The following BTBD9 variants were observed in gnomAD, a reference collection of about 807,000 sequenced individuals.
BTBD9 encodes BTB/POZ domain-containing protein 9.
In BTBD9, 49 loss-of-function variants were observed where a neutral mutation model predicts 64.3. That is an observed-to-expected ratio of 0.76 (90% CI 0.61 to 0.97). The LOEUF (loss-of-function observed/expected upper bound fraction) is 0.97. Among genes scored for constraint, BTBD9 ranks in the 50% least tolerant of loss-of-function variants. The probability of loss-of-function intolerance (pLI) is 0.00; values close to 1 mark genes in which losing one functional copy is unlikely to be tolerated. For missense variants in BTBD9, 598 were observed against 762.1 expected, an observed-to-expected ratio of 0.78 and a Z score of 2.53; for synonymous variants, 260 against 274.7, an observed-to-expected ratio of 0.95 and a Z score of 0.53.
intron 6 of BTBD9, among the ~76,000 whole-genome samples, chr6:38,348,024 G>A (rs73422874): frequency 2.6e-5 from 4 of 151,968 alleles, no homozygotes; most frequent in African/African-American, 9.7e-5. Context: ...CAAAAAAGGC[G>A]CTGTCCAGCA....
chr6:38,551,857 G>C (rs1174843224), intron 6 of BTBD9, among the ~76,000 whole-genome samples: 2 of 152,208 alleles, frequency 1.3e-5, no homozygotes, highest in African/African-American at 4.8e-5. Context: ...CCAAGCTATA[G>C]AGATGTTGAA....
chr6:38,476,356 G>A (rs1476064051), intron 6 of BTBD9, among the ~76,000 whole-genome samples: 1 of 152,172 alleles, frequency 6.6e-6, no homozygotes, highest in Non-Finnish European at 1.5e-5. Context: ...CATAACATGT[G>A]CTTATGAGCC....
intron 10 of BTBD9, among the ~76,000 whole-genome samples, chr6:38,181,295 A>G (rs1032134277): frequency 3.9e-5 from 6 of 152,226 alleles, no homozygotes; most frequent in African/African-American, 1.4e-4. Flanking sequence ...ATGCCAACCA[A>G]TACAAATAGG....
intron 9 of BTBD9, among the ~76,000 whole-genome samples, chr6:38,243,182 G>C (rs1362650602): frequency 1.3e-5 from 2 of 152,242 alleles, no homozygotes; most frequent in Admixed American, 6.5e-5. Context: ...ACTGTAAAGA[G>C]AGAATTACAG....
At chr6:38,519,208 G>A (rs1292347584) in intron 6 of BTBD9, among the ~76,000 whole-genome samples, 1 of 152,148 alleles carries the variant, frequency 6.6e-6, no homozygotes, top group Non-Finnish European at 1.5e-5. Flanking sequence ...ACTAGCCAGA[G>A]CCATTTTCTT....
intron 6 of BTBD9, among the ~76,000 whole-genome samples, chr6:38,535,617 C>T (rs1260334433): frequency 6.6e-6 from 1 of 152,104 alleles, no homozygotes; most frequent in Admixed American, 6.6e-5. Flanking sequence ...AATGACAAAG[C>T]TAAAGTAACC....
At chr6:38,270,068 C>A (rs528522094) in intron 8 of BTBD9, among the ~76,000 whole-genome samples, 7 of 152,318 alleles carry the variant, frequency 4.6e-5, no homozygotes, top group South Asian at 2.1e-4. Flanking sequence ...TAAGGCCCTG[C>A]TGCAGCTAGA....
intron 1 of BTBD9, among the ~76,000 whole-genome samples, chr6:38,616,901 T>C (rs746137583): frequency 1.2e-4 from 18 of 152,282 alleles, no homozygotes; most frequent in Middle Eastern, 3.4e-3. Context: ...AGCTTCATTA[T>C]TGAAGTCAGT....
At chr6:38,611,497 T>C (rs966003116) in intron 1 of BTBD9, among the ~76,000 whole-genome samples, 2 of 152,156 alleles carry the variant, frequency 1.3e-5, no homozygotes, top group East Asian at 1.9e-4. Flanking sequence ...AACAGTGCAA[T>C]GAGACATGAG....
Position 38,171,880 on chromosome 6 carries a change from A to AT in BTBD9, c.*3104_*3105insA, listed in dbSNP as rs751901539. ...AAAAAAAAAAAAAAAAAAAAAAAAA[A>AT]AATAATAATAATAATAATAATAATA... On this transcript the variant is annotated 3_prime_UTR_variant, in exon 11 of 11. Coordinates refer to ENST00000481247, the MANE Select transcript of BTBD9 (RefSeq NM_001099272.2). The AT allele has an allele frequency of 2.7e-4, 24 of 89,462 alleles. No individual in the cohort carries two copies. The highest frequency in any genetic ancestry group is 4.4e-4 in the South Asian group (1 of 2,248). 5.5% of individuals were successfully genotyped at this position (89,462 alleles called of 1,614,324 possible).
intron 7 of BTBD9, among the ~76,000 whole-genome samples, chr6:38,325,380 A>G (rs1763382260): frequency 6.6e-6 from 1 of 152,192 alleles, no homozygotes; most frequent in African/African-American, 2.4e-5. Flanking sequence ...TACCTAATGG[A>G]TACCTGTTTA....
intron 9 of BTBD9, among the ~76,000 whole-genome samples, chr6:38,251,791 C>T (rs1351263994): frequency 1.3e-5 from 2 of 151,040 alleles, no homozygotes; most frequent in Non-Finnish European, 2.9e-5. Flanking sequence ...ACTTGGGAGA[C>T]TGAGGCCGGA....
At chr6:38,377,457 G>T (rs746594945) in intron 6 of BTBD9, among the ~76,000 whole-genome samples, 3 of 152,140 alleles carry the variant, frequency 2.0e-5, no homozygotes, top group African/African-American at 4.8e-5. Flanking sequence ...TTACAGCTGA[G>T]GCCAAAGCAA....
intron 6 of BTBD9, among the ~76,000 whole-genome samples, chr6:38,464,898 T>C (rs1042590541): frequency 6.6e-5 from 10 of 152,234 alleles, no homozygotes; most frequent in African/African-American, 1.9e-4. Context: ...TCAATTTTTC[T>C]AGAAGAGTTT....
chr6:38,414,012 G>GTGC (rs1334035137), intron 6 of BTBD9, among the ~76,000 whole-genome samples: 1 of 152,126 alleles, frequency 6.6e-6, no homozygotes, highest in East Asian at 1.9e-4. Context: ...AAAGTGACAA[G>GTGC]TGCTGTTATT....
At chr6:38,458,346 A>G (rs762478530) in intron 6 of BTBD9, among the ~76,000 whole-genome samples, 22 of 152,214 alleles carry the variant, frequency 1.4e-4, no homozygotes, top group Admixed American at 3.3e-4. Flanking sequence ...TGATAATCTG[A>G]GTATGAACAA....
chr6:38,456,629 C>A (rs1769822978), intron 6 of BTBD9, among the ~76,000 whole-genome samples: 1 of 152,122 alleles, frequency 6.6e-6, no homozygotes, highest in Non-Finnish European at 1.5e-5. Flanking sequence ...GGCATCTTTT[C>A]ATGTGTTTGG....
At chr6:38,297,995 C>G (rs1762225730) in intron 7 of BTBD9, among the ~76,000 whole-genome samples, 2 of 151,998 alleles carry the variant, frequency 1.3e-5, no homozygotes, top group East Asian at 3.9e-4. Context: ...TGCCTGCCAC[C>G]ACACCCGGCT....
At chr6:38,389,696 C>T (rs543189966) in intron 6 of BTBD9, among the ~76,000 whole-genome samples, 7 of 151,980 alleles carry the variant, frequency 4.6e-5, no homozygotes, top group Non-Finnish European at 7.4e-5. Flanking sequence ...GACTAGCTTA[C>T]GTGAAAAAAG....
Sources: gnomAD v4.1 joint callset for allele counts (sites outside exome capture counted in the v4.1 genomes callset) on GRCh38, gnomAD v4.1.1 for gene constraint, MANE v1.5 for transcripts, NCBI Gene and HGNC (gene_info 2026-07-23, HGNC 2026-07-21) for gene names.